Variants in DBX2 observed in about 807,000 individuals in gnomAD.
The protein encoded by DBX2 is homeobox protein DBX2.
In DBX2, 16 loss-of-function variants were observed where a neutral mutation model predicts 17.7. The ratio of observed to expected loss-of-function variants is 0.90; its 90% CI spans 0.61 to 1.37. DBX2 has a LOEUF of 1.37. Ranked by LOEUF, DBX2 falls within the 40% of genes most tolerant of loss-of-function variation. DBX2 has a pLI of 0.00. For missense variants in DBX2, 538 were observed against 433.8 expected, an observed-to-expected ratio of 1.24 and a Z score of -2.13; for synonymous variants, 255 against 183.8, an observed-to-expected ratio of 1.39 and a Z score of -3.13.
intron 2 of DBX2, among the ~76,000 whole-genome samples, chr12:45,024,815 A>G (rs910078451): frequency 6.6e-5 from 10 of 152,312 alleles, no homozygotes; most frequent in Non-Finnish European, 1.3e-4. Context: ...GGATAGGGAA[A>G]GCTTGCAAAA....
At chr12:45,023,682 T>C (rs1194053102) in intron 3 of DBX2, 25 bp downstream of exon 3, 1 of 1,613,400 alleles carries the variant, frequency 6.2e-7, no homozygotes, top group South Asian at 1.1e-5. Context: ...TCAGAGGCAG[T>C]AGACATCTTC....
rs1946365574 is a variant in DBX2 at position 45,023,761 on chromosome 12, G to A, written c.633C>T (p.Ile211=). The change falls in exon 3 of 4, where the codon ATC becomes ATT. Residue 211 remains isoleucine, a synonymous_variant. Coordinates refer to ENST00000332700, the MANE Select transcript of DBX2 (RefSeq NM_001004329.3). ...LEKMFQKQKY[I]SKTDRKKLAI... ...CAAGTTTCTTTCGGTCTGTTTTGCT[G>A]ATATATTTCTGTTTCTGAAACATTT... 1 of 1,614,098 alleles carries A rather than the reference G, an allele frequency of 6.2e-7. No individual in the cohort carries two copies. Among genetic ancestry groups the A allele is most frequent in the Admixed American group, 1.7e-5 (1 of 60,018 alleles).
chr12:45,050,505 G>A lies in DBX2; in HGVS notation c.403+20C>T. On this transcript the variant is annotated intron_variant, in intron 1 of 3. Transcript: ENST00000332700. ...TGGGGGCGCGGGCGCGGCTGGGGAG[G>A]GAGGGGAGAGCTGGCTCACCTGGCG... The A allele has an allele frequency of 1.9e-6, 3 of 1,547,272 alleles. No individual in the cohort carries two copies. The highest frequency in any genetic ancestry group is 2.6e-6 in the Non-Finnish European group (3 of 1,146,526).
chr12:45,040,314 C>T (rs965257693), intron 1 of DBX2, among the ~76,000 whole-genome samples: 1 of 152,112 alleles, frequency 6.6e-6, no homozygotes, highest in African/African-American at 2.4e-5. Context: ...TGCTCCTCAG[C>T]TTGCATACAT....
rs147440175 is a variant in DBX2, at chr12:45,044,508, T to C, written c.403+6017A>G. Among the ~76,000 whole-genome samples the C allele has an allele frequency of 5.2e-3, 787 of 152,254 alleles. 11 individuals carry two copies. Among genetic ancestry groups the C allele is most frequent in the African/African-American group, 0.017 (688 of 41,550 alleles). ...TCTATTTCTGATGGTCGCTTAGAGT[T>C]AACAAAAAATTAAGGTTGTTATGGC... is the stretch of plus-strand genomic sequence containing the variant. On this transcript the variant is annotated intron_variant, in intron 1 of 3. Coordinates refer to ENST00000332700, the MANE Select transcript of DBX2 (RefSeq NM_001004329.3).
chr12:45,020,690 T>TATATATATAC lies in DBX2; in HGVS notation c.687+3016_687+3017insGTATATATAT, dbSNP rs766753844. The stretch of plus-strand genomic sequence containing the variant: ...GTATATATATGTATATATATATATA[T>TATATATATAC]ACACACACACACACACAATTCTCAG... On this transcript the variant is annotated intron_variant, in intron 3 of 3. Transcript: ENST00000332700. Among the ~76,000 whole-genome samples, 145 of 148,468 alleles carry TATATATATAC rather than the reference T, an allele frequency of 9.8e-4. 1 individual carries two copies. Among genetic ancestry groups the TATATATATAC allele is most frequent in the Middle Eastern group, 3.6e-3 (1 of 280 alleles).
At chr12:45,029,369 C>T (rs1339587015) in intron 2 of DBX2, among the ~76,000 whole-genome samples, 1 of 152,128 alleles carries the variant, frequency 6.6e-6, no homozygotes, top group African/African-American at 2.4e-5. Flanking sequence ...TTACAACAAT[C>T]CCTGGAAGAA....
rs61931016 is a variant in DBX2 at position 45,031,231 on chromosome 12, A to T, written c.499+4788T>A. On this transcript the variant is annotated intron_variant, in intron 2 of 3. Coordinates refer to ENST00000332700, the MANE Select transcript of DBX2 (RefSeq NM_001004329.3). ...GTGTGTGTGTGTGTGTGTGTGAGAGAGAGAGAGAGAGAGAGAGAGAGAGAG... is the reference window on the plus strand; with the variant it reads ...GTGTGTGTGTGTGTGTGTGTGAGAGTGAGAGAGAGAGAGAGAGAGAGAGAG... Among the ~76,000 whole-genome samples the T allele has an allele frequency of 9.4e-3, 656 of 69,540 alleles. 2 individuals are homozygous for T. Among genetic ancestry groups the T allele is most frequent in the Middle Eastern group, 0.029 (4 of 138 alleles). 45.6% of individuals were successfully genotyped at this position (69,540 alleles called of 152,430 possible).
Position 45,050,950 on chromosome 12 carries a change from T to TGCGCGCCCGCC in DBX2, c.-34_-24dup. On this transcript the variant is annotated 5_prime_UTR_variant, in exon 1 of 4. Coordinates refer to ENST00000332700, the MANE Select transcript of DBX2 (RefSeq NM_001004329.3). ...CATAGTGCGGCGCCAACCGGTCTGC[T>TGCGCGCCCGCC]GCGCGCCCGCCTTGCGCCCGCCTGT... 1 of 1,406,512 alleles carries TGCGCGCCCGCC rather than the reference T, an allele frequency of 7.1e-7. No individual in the cohort carries two copies. Among genetic ancestry groups the TGCGCGCCCGCC allele is most frequent in the Non-Finnish European group, 9.3e-7 (1 of 1,079,684 alleles). 87.1% of individuals were successfully genotyped at this position (1,406,512 alleles called of 1,614,324 possible). A position where few individuals can be genotyped will look rare whatever the true frequency, so the allele number is the denominator to read the frequency against.
chr12:45,024,384 A>C (rs1391922073), intron 2 of DBX2, among the ~76,000 whole-genome samples: 1 of 152,196 alleles, frequency 6.6e-6, no homozygotes, highest in Non-Finnish European at 1.5e-5. Flanking sequence ...AATTAGCAGC[A>C]TGAGAACAGA....
At chr12:45,021,128 A>G (rs1272702200) in intron 3 of DBX2, among the ~76,000 whole-genome samples, 2 of 152,190 alleles carry the variant, frequency 1.3e-5, no homozygotes, top group African/African-American at 2.4e-5. Flanking sequence ...TACAAATTGT[A>G]ATTGTAATGT....
chr12:45,050,983 G>T lies in DBX2; in HGVS notation c.-56C>A. 2 of 1,349,388 alleles carry T rather than the reference G, an allele frequency of 1.5e-6. No individual in the cohort carries two copies. The highest frequency in any genetic ancestry group is 1.9e-6 in the Non-Finnish European group (2 of 1,054,274). 83.6% of individuals were successfully genotyped at this position (1,349,388 alleles called of 1,614,324 possible). A position where few individuals can be genotyped will look rare whatever the true frequency, so the allele number is the denominator to read the frequency against. ...CGCCTTGCGCCCGCCTGTCGCCCGG[G>T]CGCCCCGCACCGCACCCAGAGCCGC... is the stretch of plus-strand genomic sequence containing the variant. On this transcript the variant is annotated 5_prime_UTR_variant, in exon 1 of 4. Transcript: ENST00000332700.
rs969674431 is a variant in DBX2 at position 45,023,892 on chromosome 12, C to G, written c.502G>C (p.Glu168Gln). 1.9e-6 allele frequency: 3 copies of G among 1,543,906 alleles called. No individual in the cohort carries two copies. The highest frequency in any genetic ancestry group is 2.6e-6 in the Non-Finnish European group (3 of 1,152,890). ...RPASSTAFPR[E>Q]ESMLPLLTQD... ...GTCAGGAGAGGCAGCATGCTCTCTTCTCCTAGAGTCGAGGGAAAAAGATAC... is the reference window on the plus strand; with the variant it reads ...GTCAGGAGAGGCAGCATGCTCTCTTGTCCTAGAGTCGAGGGAAAAAGATAC... The change falls in exon 3 of 4, where the codon GAA becomes CAA. Residue 168 changes from glutamate to glutamine, a missense_variant and splice_region_variant. By Grantham distance (29) the Glu-to-Gln change is conservative (BLOSUM62 2). Coordinates refer to ENST00000332700, the MANE Select transcript of DBX2 (RefSeq NM_001004329.3).
intron 3 of DBX2, among the ~76,000 whole-genome samples, chr12:45,022,628 A>T (rs1386344215): frequency 6.6e-6 from 1 of 152,090 alleles, no homozygotes; most frequent in African/African-American, 2.4e-5. Flanking sequence ...ATAAGGTCCA[A>T]AATTAACCAC....
At position 45,014,825 on chromosome 12, in the gene DBX2, C is replaced by T. The variant is rs984027198; in HGVS notation, c.*1461G>A. On this transcript the variant is annotated 3_prime_UTR_variant, in exon 4 of 4. Coordinates refer to ENST00000332700, the MANE Select transcript of DBX2 (RefSeq NM_001004329.3). Reference sequence around the variant, plus strand: ...TTGACATACCAAGTCCAATTCTATTCGTACAAAATAATTTCCTGCTGTTGA... The same window carrying T: ...TTGACATACCAAGTCCAATTCTATTTGTACAAAATAATTTCCTGCTGTTGA... 1 of 152,116 alleles carries T rather than the reference C, an allele frequency of 6.6e-6. No individual in the cohort carries two copies. Among genetic ancestry groups the T allele is most frequent in the East Asian group, 1.9e-4 (1 of 5,198 alleles). 9.4% of individuals were successfully genotyped at this position (152,116 alleles called of 1,614,324 possible). A position where few individuals can be genotyped will look rare whatever the true frequency, so the allele number is the denominator to read the frequency against.
In DBX2 at chr12:45,050,598, G is replaced by A. The variant is rs763994884; in HGVS notation, c.330C>T (p.Pro110=). Residue 110 remains proline (P), a synonymous_variant, in exon 1 of 4, where the codon CCC becomes CCT. Coordinates refer to ENST00000332700, the MANE Select transcript of DBX2 (RefSeq NM_001004329.3). The part of the protein sequence containing the change: ...GTRWAFQVLS[P]SADSARLPGR... ...CCGGCAGCCTCGCACTGTCCGCAGAGGGACTGAGCACTTGAAAAGCCCACC... is the reference window on the plus strand; with the variant it reads ...CCGGCAGCCTCGCACTGTCCGCAGAAGGACTGAGCACTTGAAAAGCCCACC... 4 of 1,551,386 alleles carry A rather than the reference G, an allele frequency of 2.6e-6. No homozygotes were observed. Among genetic ancestry groups the A allele is most frequent in the East Asian group, 2.4e-5 (1 of 41,022 alleles).
At chr12:45,020,607 T>C (rs575235839) in intron 3 of DBX2, among the ~76,000 whole-genome samples, 2 of 151,600 alleles carry the variant, frequency 1.3e-5, no homozygotes, top group Admixed American at 1.3e-4. Flanking sequence ...ATTTGTACTG[T>C]TCTTTAGAAA....
intron 2 of DBX2, among the ~76,000 whole-genome samples, chr12:45,034,300 C>A (rs2137026050): frequency 6.6e-6 from 1 of 152,140 alleles, no homozygotes; most frequent in East Asian, 1.9e-4. Context: ...CTCCCGAAAT[C>A]TAACACTGAA....
rs1186200071 is a variant in DBX2 at position 45,050,760 on chromosome 12, C to T, written c.168G>A (p.Pro56=). ...VGGAPTPRLQ[P]PAPHDPATAL... ...CGGTCGCCGGGTCGTGGGGCGCGGG[C>T]GGCTGCAGCCTGGGCGTTGGGGCGC... is the stretch of plus-strand genomic sequence containing the variant. The change falls in exon 1 of 4, where the codon CCG becomes CCA. Residue 56 remains proline (P), a synonymous_variant. Transcript: ENST00000332700. 2.7e-6 allele frequency: 4 copies of T among 1,503,330 alleles called. No homozygotes were observed. Among genetic ancestry groups the T allele is most frequent in the South Asian group, 1.3e-5 (1 of 78,906 alleles). The allele number at this position is 1,503,330 out of a possible 1,614,324, so 93.1% of individuals were successfully genotyped here.
Sources: gnomAD v4.1 joint callset for allele counts (sites outside exome capture counted in the v4.1 genomes callset) on GRCh38, gnomAD v4.1.1 for gene constraint, MANE v1.5 for transcripts, NCBI Gene and HGNC (gene_info 2026-07-23, HGNC 2026-07-21) for gene names.